SORL1: variants seen among roughly 807,000 people sequenced by gnomAD.
SORL1 encodes the protein sortilin related receptor 1, also known as sortilin-related receptor.
Under a neutral mutation model 273.7 loss-of-function variants are expected in SORL1, and 127 were observed. That is an observed-to-expected ratio of 0.46 (90% CI 0.40 to 0.54). SORL1 has a LOEUF of 0.54. Among genes scored for constraint, SORL1 ranks in the 20% least tolerant of loss-of-function variants. SORL1 has a pLI of 0.00. For missense variants in SORL1, 2,494 were observed against 2,846.1 expected (o/e 0.88, Z 2.81); for synonymous variants, 1,031 against 1,067.4 (o/e 0.97, Z 0.66).
chr11:121,480,933 G>C (rs1257798113), intron 3 of SORL1, among the ~76,000 whole-genome samples: 1 of 124,440 alleles, frequency 8.0e-6, no homozygotes, highest in African/African-American at 3.2e-5. Flanking sequence ...CTCCTCCCCA[G>C]CTCCTCCCCT....
At chr11:121,542,532 T>C (rs1053062247) in intron 12 of SORL1, among the ~76,000 whole-genome samples, 4 of 152,202 alleles carry the variant, frequency 2.6e-5, no homozygotes, top group East Asian at 1.9e-4. Context: ...TCCAATTGTA[T>C]AGAATAGTAC....
chr11:121,476,173 C>T (rs1300191642), intron 2 of SORL1, among the ~76,000 whole-genome samples: 1 of 152,148 alleles, frequency 6.6e-6, no homozygotes, highest in Non-Finnish European at 1.5e-5. Flanking sequence ...TTATTTTGCT[C>T]CATGTGATGT....
At chr11:121,511,592 C>G (rs1184783499) in intron 6 of SORL1, among the ~76,000 whole-genome samples, 2 of 152,114 alleles carry the variant, frequency 1.3e-5, no homozygotes, top group Non-Finnish European at 2.9e-5. Flanking sequence ...TCCTACGGCC[C>G]TATGTTTAGT....
At chr11:121,622,342 A>G (rs1863735368) in intron 45 of SORL1, 74 bp downstream of exon 45, 2 of 802,482 alleles carry the variant, frequency 2.5e-6, no homozygotes, top group Non-Finnish European at 4.2e-6. Context: ...GCTTGTTGAC[A>G]GCATGCTGGC....
chr11:121,481,178 G>A (rs1861377624), intron 3 of SORL1, among the ~76,000 whole-genome samples: 1 of 118,146 alleles, frequency 8.5e-6, no homozygotes, highest in Non-Finnish European at 1.8e-5. Flanking sequence ...GATACCTATA[G>A]GCAGGCTCCA....
chr11:121,491,588 C>A (rs1861553931), intron 5 of SORL1, among the ~76,000 whole-genome samples: 1 of 152,182 alleles, frequency 6.6e-6, no homozygotes, highest in Non-Finnish European at 1.5e-5. Flanking sequence ...TTGCTCAGGC[C>A]AAAATCTTTG....
At position 121,495,902 on chromosome 11, in the gene SORL1, A is replaced by T. The variant is rs553109735; in HGVS notation, c.759-967A>T. ...AATCTAAGACATGGCCTTCCGAGGC[A>T]TCTATACTGTGTCTAGGAAGCTCAG... On this transcript the variant is annotated intron_variant, in intron 5 of 47. Coordinates refer to ENST00000260197, the MANE Select transcript of SORL1 (RefSeq NM_003105.6). Among the ~76,000 whole-genome samples the T allele has an allele frequency of 3.3e-5, 5 of 152,370 alleles. No individual in the cohort carries two copies. In the South Asian group the frequency reaches 1.0e-3, roughly 32 times the overall value.
intron 25 of SORL1, among the ~76,000 whole-genome samples, chr11:121,578,271 C>T (rs1041868023): frequency 6.6e-6 from 1 of 152,174 alleles, no homozygotes; most frequent in African/African-American, 2.4e-5. Flanking sequence ...TTTTTACACT[C>T]GGATAATTCA....
At chr11:121,556,943 A>C in intron 18 of SORL1, 1 of 214,646 alleles carries the variant, frequency 4.7e-6, no homozygotes, top group East Asian at 1.2e-4. Context: ...GGGAGTGTGG[A>C]GTCATCGATT....
chr11:121,473,581 C>T (rs2134786416), intron 2 of SORL1, among the ~76,000 whole-genome samples: 1 of 152,270 alleles, frequency 6.6e-6, no homozygotes, highest in Non-Finnish European at 1.5e-5. Flanking sequence ...TCCAGGGGTA[C>T]AGTCCACCAG....
chr11:121,620,979 ATAC>A (rs1243453183), intron 43 of SORL1, 82 bp from the exon 44 acceptor site: 3 of 989,430 alleles, frequency 3.0e-6, no homozygotes, highest in Non-Finnish European at 4.5e-6. Flanking sequence ...AGCTATTAAT[ATAC>A]TACATTGTCC....
rs1331543539 is a variant in SORL1, at chr11:121,621,239, G to T, written c.6064+1G>T. 6.2e-7 allele frequency: 1 copy of T among 1,613,516 alleles called. No homozygotes were observed. The highest frequency in any genetic ancestry group is 8.5e-7 in the Non-Finnish European group (1 of 1,179,628). On this transcript the variant is annotated splice_donor_variant, in intron 44 of 47. Coordinates refer to ENST00000260197, the MANE Select transcript of SORL1 (RefSeq NM_003105.6). LOFTEE classifies it high-confidence loss of function. ...GATTCCAGCATAAAAATTACCACAG[G>T]TAAGCAGGAGAGAGGTTAGAGGTCT...
intron 14 of SORL1, among the ~76,000 whole-genome samples, chr11:121,549,190 A>G (rs938208591): frequency 6.6e-5 from 10 of 152,030 alleles, no homozygotes; most frequent in South Asian, 4.1e-4. Context: ...TAGTATGTGG[A>G]TATACTCTTA....
chr11:121,513,946 G>A (rs1861915010), intron 7 of SORL1, among the ~76,000 whole-genome samples: 1 of 152,212 alleles, frequency 6.6e-6, no homozygotes, highest in South Asian at 2.1e-4. Flanking sequence ...TTGCCAGTAA[G>A]GGGCCCGCTA....
At chr11:121,603,823 T>C (rs372944091) in intron 32 of SORL1, among the ~76,000 whole-genome samples, 3 of 152,226 alleles carry the variant, frequency 2.0e-5, no homozygotes, top group Non-Finnish European at 4.4e-5. Context: ...AGCCAGGCAG[T>C]GTTCCAGGTG....
chr11:121,486,039 T>G (rs1474803215), intron 3 of SORL1, among the ~76,000 whole-genome samples: 3 of 152,160 alleles, frequency 2.0e-5, no homozygotes, highest in Non-Finnish European at 4.4e-5. Context: ...AAGTGCAAAG[T>G]GCTGGTCCAC....
chr11:121,519,305 C>G (rs111450510), intron 8 of SORL1, among the ~76,000 whole-genome samples: 148 of 152,212 alleles, frequency 9.7e-4, no homozygotes, highest in African/African-American at 3.3e-3. Flanking sequence ...GAGATCCGCT[C>G]TATTTGTAAT....
In SORL1 at chr11:121,627,832, A is replaced by G. The variant is rs1337513089; in HGVS notation, c.6577+65A>G. On this transcript the variant is annotated intron_variant, in intron 47 of 47. Coordinates refer to ENST00000260197, the MANE Select transcript of SORL1 (RefSeq NM_003105.6). This position sits in a 1 kb window ranked among gnomAD's most constrained non-coding sequence, Gnocchi z 4.9. Reference sequence around the variant, plus strand: ...TGACCCCCACGCAGCCAATGACTTGATTAGGAAACACCCACCTTCAGCTCC... The same window carrying G: ...TGACCCCCACGCAGCCAATGACTTGGTTAGGAAACACCCACCTTCAGCTCC... 6.2e-6 allele frequency: 7 copies of G among 1,138,110 alleles called. No homozygotes were observed. The highest frequency in any genetic ancestry group is 8.9e-6 in the Non-Finnish European group (7 of 786,810). The allele number at this position is 1,138,110 out of a possible 1,614,324, so 70.5% of individuals were successfully genotyped here.
rs778913697 is a variant in SORL1 at position 121,554,026 on chromosome 11, G to A, written c.2356G>A (p.Gly786Arg). The stretch of plus-strand genomic sequence containing the variant: ...AGCCACCGAGCAGTTGCCTCTCACC[G>A]GGCTACGGGCAGCAGTGGCCCTGGA... ...SGATEQLPLT[G>R]LRAAVALDFD... The change falls in exon 17 of 48, where the codon GGG (glycine) becomes AGG (arginine). Residue 786 changes from glycine (G) to arginine (R), a missense_variant. Coordinates refer to ENST00000260197, the MANE Select transcript of SORL1 (RefSeq NM_003105.6). This position sits in a 1 kb window ranked among gnomAD's most constrained non-coding sequence, Gnocchi z 4.6. 3.7e-5 allele frequency: 60 copies of A among 1,614,052 alleles called. No individual in the cohort carries two copies. In the South Asian group the frequency reaches 4.7e-4, roughly 13 times the overall value.
Sources: allele counts gnomAD v4.1 joint callset (sites outside exome capture counted in the v4.1 genomes callset), GRCh38; gene constraint gnomAD v4.1.1; non-coding constraint Gnocchi (gnomAD v3.1); transcripts MANE v1.5; gene names NCBI Gene and HGNC (gene_info 2026-07-23, HGNC 2026-07-21).